PLCB1: variants seen among roughly 807,000 people sequenced by gnomAD.
PLCB1 encodes the protein phospholipase C beta 1.
A neutral mutation model predicts 161.8 loss-of-function variants in PLCB1; 46 were observed. That is an observed-to-expected ratio of 0.28 (90% CI 0.22 to 0.36). PLCB1 has a LOEUF of 0.36. Ranked by LOEUF, PLCB1 falls within the 10% of genes least tolerant of loss-of-function variation. The pLI is 1.00. For synonymous variants in PLCB1, 517 were observed against 503.7 expected (o/e 1.03, Z -0.35); for missense variants, 1,016 against 1,472.5 (o/e 0.69, Z 5.07).
intron 9 of PLCB1, among the ~76,000 whole-genome samples, chr20:8,677,729 A>G (rs1372387629): frequency 6.6e-6 from 1 of 152,164 alleles, no homozygotes. Context: ...AATTTTTCCC[A>G]CAAAAATCTT....
At chr20:8,241,810 T>C (rs975416227) in intron 2 of PLCB1, among the ~76,000 whole-genome samples, 2 of 152,116 alleles carry the variant, frequency 1.3e-5, no homozygotes, top group East Asian at 3.9e-4. Flanking sequence ...AAAGAAGTCC[T>C]CTTGGAAGAA....
intron 2 of PLCB1, among the ~76,000 whole-genome samples, chr20:8,233,557 T>C (rs1015490594): frequency 3.9e-5 from 6 of 152,172 alleles, no homozygotes; most frequent in African/African-American, 1.4e-4. Flanking sequence ...TTTCTTGAAA[T>C]ATAAAATGCA....
intron 23 of PLCB1, among the ~76,000 whole-genome samples, chr20:8,744,704 C>T (rs894401779): frequency 4.1e-5 from 6 of 147,870 alleles, no homozygotes; most frequent in Admixed American, 6.8e-5. Context: ...TGTATGGCCC[C>T]GATTCGATAT....
chr20:8,817,375 T>C (rs912889269), intron 31 of PLCB1, among the ~76,000 whole-genome samples: 2 of 152,002 alleles, frequency 1.3e-5, no homozygotes, highest in Non-Finnish European at 2.9e-5. Flanking sequence ...TGGTGTAGAA[T>C]AGAGGAGGAA....
rs115960312 is a variant in PLCB1, at chr20:8,201,536, G to A, written c.177+51165G>A. Among the ~76,000 whole-genome samples, 432 of 152,170 alleles carry A rather than the reference G, an allele frequency of 2.8e-3. 4 individuals carry two copies. Among genetic ancestry groups the A allele is most frequent in the African/African-American group, 9.1e-3 (378 of 41,524 alleles). On this transcript the variant is annotated intron_variant, in intron 2 of 31. Coordinates refer to ENST00000338037, the MANE Select transcript of PLCB1 (RefSeq NM_015192.4). ...GTTTAAAATAAACCTGAATCTCTAC[G>A]TAATTCAACATTATGATTTGGTACT...
intron 2 of PLCB1, among the ~76,000 whole-genome samples, chr20:8,358,587 T>C (rs1182769340): frequency 6.6e-6 from 1 of 152,076 alleles, no homozygotes; most frequent in Non-Finnish European, 1.5e-5. Flanking sequence ...CTTCCTCCTC[T>C]CCCTTTATTC....
chr20:8,825,944 G>A (rs1027251407), intron 31 of PLCB1, among the ~76,000 whole-genome samples: 17 of 152,256 alleles, frequency 1.1e-4, no homozygotes, highest in African/African-American at 3.9e-4. Context: ...CTAGACATGT[G>A]GTTTGTGCAA....
At chr20:8,836,387 TGAGAATGAGGAGA>T (rs1600370311) in intron 31 of PLCB1, among the ~76,000 whole-genome samples, 1 of 145,122 alleles carries the variant, frequency 6.9e-6, no homozygotes, top group Non-Finnish European at 1.5e-5. Flanking sequence ...TCTGATGGCC[TGAGAATGAGGAGA>T]GCTGATGGGG....
intron 3 of PLCB1, among the ~76,000 whole-genome samples, chr20:8,477,234 T>G (rs988448922): frequency 3.9e-5 from 6 of 152,148 alleles, no homozygotes. Context: ...TTCCAACGCA[T>G]GTTCAATTTT....
intron 2 of PLCB1, among the ~76,000 whole-genome samples, chr20:8,320,942 AAAGG>A (rs751066343): frequency 6.6e-6 from 1 of 151,612 alleles, no homozygotes; most frequent in East Asian, 1.9e-4. Context: ...GAAGAGAAGA[AAAGG>A]AAGGAAGGAA....
intron 3 of PLCB1, among the ~76,000 whole-genome samples, chr20:8,426,284 G>GA (rs984486833): frequency 9.9e-5 from 15 of 151,920 alleles, no homozygotes; most frequent in African/African-American, 2.9e-4. Flanking sequence ...AATCCTAAAA[G>GA]AAAAAAAAGT....
chr20:8,452,523 C>T (rs146670998), intron 3 of PLCB1, among the ~76,000 whole-genome samples: 1 of 152,202 alleles, frequency 6.6e-6, no homozygotes, highest in East Asian at 1.9e-4. Flanking sequence ...TGCTTTTGTG[C>T]TGGAGATGAA....
At chr20:8,318,978 T>G (rs1984781983) in intron 2 of PLCB1, among the ~76,000 whole-genome samples, 1 of 152,140 alleles carries the variant, frequency 6.6e-6, no homozygotes. Flanking sequence ...AACAGCTAAT[T>G]CCTTCCACTG....
intron 2 of PLCB1, among the ~76,000 whole-genome samples, chr20:8,351,770 G>A (rs1480265799): frequency 6.6e-6 from 1 of 151,972 alleles, no homozygotes; most frequent in East Asian, 1.9e-4. Flanking sequence ...TAAAGGAAAT[G>A]CAATTGAAAA....
intron 9 of PLCB1, among the ~76,000 whole-genome samples, chr20:8,676,483 A>T (rs570358801): frequency 2.0e-5 from 3 of 152,182 alleles, no homozygotes; most frequent in African/African-American, 7.2e-5. Context: ...AATTGTAAGC[A>T]TATGAAAAAA....
At chr20:8,154,874 A>T (rs937109713) in intron 2 of PLCB1, among the ~76,000 whole-genome samples, 1 of 152,170 alleles carries the variant, frequency 6.6e-6, no homozygotes, top group African/African-American at 2.4e-5. Flanking sequence ...CTTAACATCT[A>T]ATTTATGGGT....
chr20:8,711,706 A>G (rs945892830), intron 12 of PLCB1, among the ~76,000 whole-genome samples: 1 of 152,152 alleles, frequency 6.6e-6, no homozygotes, highest in East Asian at 1.9e-4. Context: ...CACACACCCA[A>G]AGAAAACCGA....
At chr20:8,502,020 A>G (rs1401217150) in intron 3 of PLCB1, among the ~76,000 whole-genome samples, 4 of 151,210 alleles carry the variant, frequency 2.6e-5, no homozygotes, top group Non-Finnish European at 4.4e-5. Context: ...TATTGAAACC[A>G]ATAAAGACAT....
At chr20:8,805,024 A>T (rs1010472540) in intron 31 of PLCB1, among the ~76,000 whole-genome samples, 4 of 145,738 alleles carry the variant, frequency 2.7e-5, no homozygotes, top group African/African-American at 7.5e-5. Flanking sequence ...AAAAAAAAAA[A>T]GGAATAGCAC....
Sources: gnomAD v4.1 joint callset for allele counts (sites outside exome capture counted in the v4.1 genomes callset) on GRCh38, gnomAD v4.1.1 for gene constraint, MANE v1.5 for transcripts, NCBI Gene and HGNC (gene_info 2026-07-23, HGNC 2026-07-21) for gene names.